DEFB115: variants seen among roughly 807,000 people sequenced by gnomAD.
DEFB115 encodes beta-defensin 115.
A neutral mutation model predicts 8.8 loss-of-function variants in DEFB115; 7 were observed. That is an observed-to-expected ratio of 0.79 (90% CI 0.45 to 1.49). The LOEUF is 1.49. Ranked by LOEUF, DEFB115 falls within the 40% of genes most tolerant of loss-of-function variation. The pLI is 0.01. For synonymous variants in DEFB115, 62 were observed against 37.6 expected (o/e 1.65, Z -2.37); for missense variants, 143 against 99.4 (o/e 1.44, Z -1.86).
intron 1 of DEFB115, among the ~76,000 whole-genome samples, chr20:31,259,178 A>G (rs1171187941): frequency 6.6e-6 from 1 of 152,184 alleles, no homozygotes; most frequent in Non-Finnish European, 1.5e-5. Context: ...GCAAGCATCT[A>G]GATTTAGAGA....
intron 1 of DEFB115, among the ~76,000 whole-genome samples, chr20:31,258,518 C>A (rs1041724747): frequency 1.3e-5 from 2 of 152,154 alleles, no homozygotes; most frequent in Admixed American, 6.5e-5. Context: ...AAGCTGAAAG[C>A]CTTTGCCAAT....
intron 1 of DEFB115, among the ~76,000 whole-genome samples, chr20:31,259,229 G>A (rs1012908082): frequency 1.3e-5 from 2 of 152,144 alleles, no homozygotes; most frequent in African/African-American, 4.8e-5. Context: ...AAAAATGACA[G>A]AGAAGAAAGT....
intron 1 of DEFB115, 77 bp from the exon 2 acceptor site, chr20:31,259,383 A>G (rs1983840749): frequency 1.4e-6 from 2 of 1,393,794 alleles, no homozygotes; most frequent in Non-Finnish European, 1.9e-6. Context: ...CATTATTACT[A>G]TTACCAACAT....
intron 1 of DEFB115, among the ~76,000 whole-genome samples, chr20:31,258,093 C>A (rs191397350): frequency 6.6e-6 from 1 of 152,318 alleles, no homozygotes; most frequent in Non-Finnish European, 1.5e-5. Flanking sequence ...TCTCTCACTT[C>A]AACCCCACTT....
chr20:31,259,518 A>G lies in DEFB115; in HGVS notation c.153A>G (p.Glu51=). The G allele has an allele frequency of 6.2e-7, 1 of 1,613,444 alleles. No homozygotes were observed. The highest frequency in any genetic ancestry group is 8.5e-7 in the Non-Finnish European group (1 of 1,179,638). ...GTGRCRKSCK[E]IERKKEKCGE... ...GCAGATGCAGGAAATCATGCAAAGA[A>G]ATTGAGAGGAAGAAAGAAAAATGTG... The change falls in exon 2 of 2, where the codon GAA becomes GAG. Residue 51 remains glutamate, a synonymous_variant. Coordinates refer to ENST00000400552, the MANE Select transcript of DEFB115 (RefSeq NM_001037730.1).
In DEFB115 at chr20:31,259,601, A is replaced by T. The variant is rs1261539350; in HGVS notation, c.236A>T (p.Asp79Val). ...KEKDKLSHIH[D>V]QKETSELYI ...AAGGATAAACTATCACACATTCACG[A>T]CCAAAAAGAGACAAGTGAGCTATAT... The change falls in exon 2 of 2, where the codon GAC (aspartate) becomes GTC (valine). Residue 79 changes from aspartate to valine, a missense_variant. Physicochemically the swap from Asp to Val is radical, Grantham distance 152 (BLOSUM62 -3). Coordinates refer to ENST00000400552, the MANE Select transcript of DEFB115 (RefSeq NM_001037730.1). The T allele has an allele frequency of 7.5e-6, 12 of 1,607,610 alleles. No homozygotes were observed. Among genetic ancestry groups the T allele is most frequent in the Non-Finnish European group, 1.0e-5 (12 of 1,177,982 alleles).
intron 1 of DEFB115, among the ~76,000 whole-genome samples, chr20:31,258,225 G>A (rs1983804872): frequency 6.6e-6 from 1 of 152,136 alleles, no homozygotes; most frequent in South Asian, 2.1e-4. Context: ...TGGAATATAT[G>A]GTGAAAAAGT....
In DEFB115 at chr20:31,259,531, A is replaced by G; in HGVS notation, c.166A>G (p.Lys56Glu). The G allele has an allele frequency of 6.2e-7, 1 of 1,613,464 alleles. No homozygotes were observed. The highest frequency in any genetic ancestry group is 8.5e-7 in the Non-Finnish European group (1 of 1,179,664). ...RKSCKEIERK[K>E]EKCGEKHICC... is the part of the protein sequence containing the mutation. ...ATCATGCAAAGAAATTGAGAGGAAG[A>G]AAGAAAAATGTGGGGAAAAACATAT... The change falls in exon 2 of 2, where the codon AAA becomes GAA. Residue 56 changes from lysine to glutamate, a missense_variant. Lys to Glu is a moderately conservative substitution (Grantham distance 56). Coordinates refer to ENST00000400552, the MANE Select transcript of DEFB115 (RefSeq NM_001037730.1).
chr20:31,258,596 T>C lies in DEFB115; in HGVS notation c.94+839T>C, dbSNP rs182312673. ...ACCCTGAGTTGGCTTGAGCATGCCTTATGTTCCAGCGAGGGCAAGTAGAAT... is the reference window on the plus strand; with the variant it reads ...ACCCTGAGTTGGCTTGAGCATGCCTCATGTTCCAGCGAGGGCAAGTAGAAT... On this transcript the variant is annotated intron_variant, in intron 1 of 1. Coordinates refer to ENST00000400552, the MANE Select transcript of DEFB115 (RefSeq NM_001037730.1). 7.9e-5 allele frequency among the ~76,000 whole-genome samples: 12 copies of C among 152,292 alleles called. No homozygotes were observed. The East Asian group carries it at 2.1e-3, about 27-fold the overall frequency.
rs778289009 is a variant in DEFB115 at position 31,259,499 on chromosome 20, G to T, written c.134G>T (p.Cys45Phe). Residue 45 changes from cysteine to phenylalanine, a missense_variant, in exon 2 of 2, where the codon TGC becomes TTC. Cys to Phe is a radical substitution (Grantham distance 205). Transcript: ENST00000400552. ...AGGTGCTATTATGGAACTGGCAGAT[G>T]CAGGAAATCATGCAAAGAAATTGAG... is the stretch of plus-strand genomic sequence containing the variant. ...IRRCYYGTGR[C>F]RKSCKEIERK... 6.2e-7 allele frequency: 1 copy of T among 1,613,138 alleles called. No individual in the cohort carries two copies. Among genetic ancestry groups the T allele is most frequent in the Non-Finnish European group, 8.5e-7 (1 of 1,179,534 alleles).
chr20:31,258,623 G>A (rs1983818308), intron 1 of DEFB115, among the ~76,000 whole-genome samples: 1 of 152,194 alleles, frequency 6.6e-6, no homozygotes, highest in Non-Finnish European at 1.5e-5. Flanking sequence ...AAGTAGAATA[G>A]AGGGAGTTGC....
chr20:31,257,774 A>G lies in DEFB115; in HGVS notation c.94+17A>G, dbSNP rs1348810823. 2 of 1,600,666 alleles carry G rather than the reference A, an allele frequency of 1.2e-6. No individual in the cohort carries two copies. Among genetic ancestry groups the G allele is most frequent in the East Asian group, 4.5e-5 (2 of 44,790 alleles). The stretch of plus-strand genomic sequence containing the variant: ...CTGCCCCAGGTAAACAGAACCATGG[A>G]GAGAAGGGAAAAGGGAGTAAGGATG... On this transcript the variant is annotated intron_variant, in intron 1 of 1. Transcript: ENST00000400552.
chr20:31,259,385 T>A, intron 1 of DEFB115, 75 bp from the exon 2 acceptor site: 1 of 1,403,472 alleles, frequency 7.1e-7, no homozygotes. Flanking sequence ...TTATTACTAT[T>A]ACCAACATCC....
intron 1 of DEFB115, among the ~76,000 whole-genome samples, chr20:31,258,217 G>A (rs975567828): frequency 6.6e-6 from 1 of 152,162 alleles, no homozygotes; most frequent in Non-Finnish European, 1.5e-5. Flanking sequence ...TCTTGTCTTG[G>A]AATATATGGT....
intron 1 of DEFB115, among the ~76,000 whole-genome samples, chr20:31,258,262 G>A (rs972127019): frequency 3.3e-5 from 5 of 152,188 alleles, no homozygotes; most frequent in Admixed American, 2.6e-4. Context: ...ATATCTACAG[G>A]TTTATAAAAA....
In DEFB115 at chr20:31,257,669, GC is replaced by G; in HGVS notation, c.8del (p.Pro3GlnfsTer18). 1.2e-6 allele frequency: 2 copies of G among 1,613,794 alleles called. No homozygotes were observed. The highest frequency in any genetic ancestry group is 1.7e-6 in the Non-Finnish European group (2 of 1,179,744). On this transcript the variant is annotated frameshift_variant, in exon 1 of 2. Transcript: ENST00000400552. LOFTEE classifies it high-confidence loss of function. The stretch of plus-strand genomic sequence containing the variant: ...GCTTCCCCAGCACACTCAGAATGCT[GC>G]CAGATCATTTCTCACCCCTCTCAGG... The part of the protein sequence containing the change: ML[P>X]DHFSPLSGDI...
At position 31,259,536 on chromosome 20, in the gene DEFB115, A is replaced by C; in HGVS notation, c.171A>C (p.Glu57Asp). Residue 57 changes from glutamate (E) to aspartate (D), a missense_variant, in exon 2 of 2, where the codon GAA becomes GAC. By Grantham distance (45) the Glu-to-Asp change is conservative. Transcript: ENST00000400552. ...KSCKEIERKK[E>D]KCGEKHICCV... ...GCAAAGAAATTGAGAGGAAGAAAGA[A>C]AAATGTGGGGAAAAACATATTTGCT... 1.2e-6 allele frequency: 2 copies of C among 1,613,432 alleles called. No individual in the cohort carries two copies. Among genetic ancestry groups the C allele is most frequent in the South Asian group, 1.1e-5 (1 of 90,988 alleles).
In DEFB115 at chr20:31,259,040, C is replaced by G. The variant is rs147808213; in HGVS notation, c.95-420C>G. ...TGTTCAGGGTCTTGCTTTAAACAAC[C>G]CCTGGGGCAAGCACCCCTAGAACAA... On this transcript the variant is annotated intron_variant, in intron 1 of 1. Coordinates refer to ENST00000400552, the MANE Select transcript of DEFB115 (RefSeq NM_001037730.1). Among the ~76,000 whole-genome samples the G allele has an allele frequency of 1.6e-3, 249 of 152,182 alleles. 3 individuals carry two copies. Among genetic ancestry groups the G allele is most frequent in the African/African-American group, 5.9e-3 (243 of 41,522 alleles).
rs373650855 is a variant in DEFB115, at chr20:31,259,609, G to A, written c.244G>A (p.Glu82Lys). ...DKLSHIHDQK[E>K]TSELYI ...ACTATCACACATTCACGACCAAAAA[G>A]AGACAAGTGAGCTATATATCTAGTT... The change falls in exon 2 of 2, where the codon GAG (glutamate) becomes AAG (lysine). Residue 82 changes from glutamate (E) to lysine (K), a missense_variant. Glu to Lys is a moderately conservative substitution (Grantham distance 56, BLOSUM62 1). Coordinates refer to ENST00000400552, the MANE Select transcript of DEFB115 (RefSeq NM_001037730.1). 1 of 1,605,810 alleles carries A rather than the reference G, an allele frequency of 6.2e-7. No homozygotes were observed. Among genetic ancestry groups the A allele is most frequent in the African/African-American group, 1.3e-5 (1 of 74,310 alleles).
Sources: allele counts gnomAD v4.1 joint callset (sites outside exome capture counted in the v4.1 genomes callset), GRCh38; gene constraint gnomAD v4.1.1; transcripts MANE v1.5; gene names NCBI Gene and HGNC (gene_info 2026-07-23, HGNC 2026-07-21).